CTNNA3: variants seen among roughly 807,000 people sequenced by gnomAD.
CTNNA3 encodes the protein catenin alpha-3.
CTNNA3 carries 76 observed loss-of-function variants against 95.7 expected under a neutral mutation model. The ratio of observed to expected loss-of-function variants is 0.79; its 90% CI spans 0.66 to 0.96. The LOEUF (loss-of-function observed/expected upper bound fraction) is 0.96. CTNNA3 is among the 40% of genes least tolerant of loss of function. CTNNA3 has a pLI of 0.00. For missense variants in CTNNA3, 1,191 were observed against 1,089.8 expected, an observed-to-expected ratio of 1.09 and a Z score of -1.31; for synonymous variants, 431 against 374.4, an observed-to-expected ratio of 1.15 and a Z score of -1.74.
chr10:67,686,851 T>C (rs1840741009), intron 1 of CTNNA3, among the ~76,000 whole-genome samples: 2 of 152,090 alleles, frequency 1.3e-5, no homozygotes, highest in African/African-American at 4.8e-5. Context: ...GGATGGACCT[T>C]GAGTTTGTTC....
intron 11 of CTNNA3, among the ~76,000 whole-genome samples, chr10:66,505,890 G>C (rs1449723437): frequency 6.6e-6 from 1 of 152,100 alleles, no homozygotes; most frequent in Admixed American, 6.6e-5. Flanking sequence ...TACTGTCTTA[G>C]CCTGTTTGTG....
At chr10:67,118,435 G>T (rs1429666077) in intron 7 of CTNNA3, among the ~76,000 whole-genome samples, 1 of 151,890 alleles carries the variant, frequency 6.6e-6, no homozygotes, top group African/African-American at 2.4e-5. Flanking sequence ...GCTTTGCTCT[G>T]TTCTAAAGGA....
intron 9 of CTNNA3, among the ~76,000 whole-genome samples, chr10:66,762,252 A>G (rs1405080375): frequency 6.6e-6 from 1 of 152,058 alleles, no homozygotes; most frequent in Non-Finnish European, 1.5e-5. Context: ...ATATGAACAC[A>G]TTTGTCATTA....
intron 14 of CTNNA3, among the ~76,000 whole-genome samples, chr10:66,084,630 G>GT (rs1564627679): frequency 6.6e-6 from 1 of 152,076 alleles, no homozygotes; most frequent in African/African-American, 2.4e-5. Context: ...AGTTGAAAAT[G>GT]TTTTATCTGT....
chr10:66,530,221 A>G (rs1841419358), intron 10 of CTNNA3, among the ~76,000 whole-genome samples: 1 of 152,214 alleles, frequency 6.6e-6, no homozygotes, highest in Admixed American at 6.5e-5. Context: ...TGATTACCTC[A>G]GTGGCACGGC....
chr10:67,594,459 AT>A (rs1842876410), intron 3 of CTNNA3, among the ~76,000 whole-genome samples: 1 of 152,038 alleles, frequency 6.6e-6, no homozygotes, highest in African/African-American at 2.4e-5. Context: ...CAGGGTTTCA[AT>A]TTATTCCTGG....
At chr10:66,430,556 T>C (rs1384430298) in intron 11 of CTNNA3, among the ~76,000 whole-genome samples, 1 of 152,112 alleles carries the variant, frequency 6.6e-6, no homozygotes, top group Non-Finnish European at 1.5e-5. Flanking sequence ...AAAACAGATA[T>C]ACAGACCAAT....
At chr10:67,161,088 T>C (rs1861522780) in intron 7 of CTNNA3, among the ~76,000 whole-genome samples, 1 of 152,128 alleles carries the variant, frequency 6.6e-6, no homozygotes, top group African/African-American at 2.4e-5. Flanking sequence ...CAAAACAATT[T>C]AGTTATAGAG....
At chr10:67,224,716 C>T (rs1385014788) in intron 5 of CTNNA3, among the ~76,000 whole-genome samples, 1 of 152,122 alleles carries the variant, frequency 6.6e-6, no homozygotes, top group Non-Finnish European at 1.5e-5. Context: ...TCCCTAGGAG[C>T]TCGCTGGGTC....
chr10:66,512,784 G>A (rs1401557660), intron 11 of CTNNA3, among the ~76,000 whole-genome samples: 1 of 152,034 alleles, frequency 6.6e-6, no homozygotes, highest in Non-Finnish European at 1.5e-5. Flanking sequence ...AGTATTCTTA[G>A]TTGAAAGTTT....
At chr10:66,724,318 T>C (rs1288692520) in intron 9 of CTNNA3, among the ~76,000 whole-genome samples, 4 of 152,178 alleles carry the variant, frequency 2.6e-5, no homozygotes, top group Non-Finnish European at 5.9e-5. Context: ...CACAAGATAG[T>C]GAGATGTGAA....
At chr10:67,440,482 A>G (rs1333027743) in intron 5 of CTNNA3, among the ~76,000 whole-genome samples, 1 of 152,116 alleles carries the variant, frequency 6.6e-6, no homozygotes, top group African/African-American at 2.4e-5. Flanking sequence ...GAACCCTAGA[A>G]TGAGCTAGTC....
intron 7 of CTNNA3, among the ~76,000 whole-genome samples, chr10:66,955,522 G>A (rs1589486316): frequency 6.6e-6 from 1 of 152,122 alleles, no homozygotes; most frequent in East Asian, 1.9e-4. Flanking sequence ...GCACTTATCT[G>A]TTTGGCTCCA....
chr10:66,798,573 C>T (rs72802656), intron 7 of CTNNA3, among the ~76,000 whole-genome samples: 3 of 150,622 alleles, frequency 2.0e-5, no homozygotes, highest in East Asian at 3.9e-4. Context: ...TTAGTTCTTT[C>T]GACATCTAAT....
At chr10:66,852,018 T>C (rs1843516310) in intron 7 of CTNNA3, among the ~76,000 whole-genome samples, 1 of 152,022 alleles carries the variant, frequency 6.6e-6, no homozygotes, top group Non-Finnish European at 1.5e-5. Context: ...GGCTGAGGAA[T>C]GAGGATGAGG....
intron 5 of CTNNA3, among the ~76,000 whole-genome samples, chr10:67,271,517 A>C (rs901247154): frequency 1.3e-5 from 2 of 152,084 alleles, no homozygotes; most frequent in African/African-American, 2.4e-5. Context: ...TTTACAAATT[A>C]CCCAGTCCCA....
At chr10:67,066,424 C>T (rs1856088359) in intron 7 of CTNNA3, among the ~76,000 whole-genome samples, 2 of 151,614 alleles carry the variant, frequency 1.3e-5, no homozygotes, top group Non-Finnish European at 2.9e-5. Context: ...ATCTCTTGAC[C>T]TCGTGATCCG....
chr10:67,093,006 T>C (rs1857748291), intron 7 of CTNNA3, among the ~76,000 whole-genome samples: 2 of 151,994 alleles, frequency 1.3e-5, no homozygotes, highest in African/African-American at 4.8e-5. Flanking sequence ...CCCCTGAATC[T>C]CCACAATTCA....
chr10:65,945,306 G>A lies in CTNNA3; in HGVS notation c.2400+21306C>T, dbSNP rs188880761. Among the ~76,000 whole-genome samples the A allele has an allele frequency of 3.3e-5, 5 of 152,250 alleles. No homozygotes were observed. The East Asian group carries it at 9.7e-4, about 29-fold the overall frequency. ...CAGTGGTGCCTTTAAGCAGTCTGGCGATGACACATGCATCAGCATGTTAGT... is the reference window on the plus strand; with the variant it reads ...CAGTGGTGCCTTTAAGCAGTCTGGCAATGACACATGCATCAGCATGTTAGT... On this transcript the variant is annotated intron_variant, in intron 17 of 17. Coordinates refer to ENST00000433211, the MANE Select transcript of CTNNA3 (RefSeq NM_013266.4).
Sources: gnomAD v4.1 joint callset for allele counts (sites outside exome capture counted in the v4.1 genomes callset) on GRCh38, gnomAD v4.1.1 for gene constraint, MANE v1.5 for transcripts, NCBI Gene and HGNC (gene_info 2026-07-23, HGNC 2026-07-21) for gene names.